ASZ1: variants seen among roughly 807,000 people sequenced by gnomAD.
ASZ1 encodes the protein ankyrin repeat, SAM and basic leucine zipper domain-containing protein 1.
In ASZ1, 67 loss-of-function variants were observed where a neutral mutation model predicts 61.8. That is an observed-to-expected ratio of 1.08 (90% CI 0.89 to 1.33). The LOEUF (loss-of-function observed/expected upper bound fraction) is 1.33. ASZ1 is among the 40% of genes most tolerant of loss of function. ASZ1 has a pLI of 0.00. For synonymous variants in ASZ1, 193 were observed against 192.7 expected (o/e 1.00, Z -0.01); for missense variants, 577 against 554.5 (o/e 1.04, Z -0.41).
intron 4 of ASZ1, among the ~76,000 whole-genome samples, chr7:117,387,393 T>G (rs1188681850): frequency 6.6e-6 from 1 of 152,040 alleles, no homozygotes; most frequent in Non-Finnish European, 1.5e-5. Flanking sequence ...AACAACAAAT[T>G]ATTTGAATTA....
At chr7:117,396,143 AT>A (rs1220486509) in intron 4 of ASZ1, among the ~76,000 whole-genome samples, 1 of 152,216 alleles carries the variant, frequency 6.6e-6, no homozygotes, top group Non-Finnish European at 1.5e-5. Context: ...TAGTTTCTAT[AT>A]TTGTGACACC....
intron 7 of ASZ1, 132 bp downstream of exon 7, chr7:117,382,854 C>G (rs1189788723): frequency 1.9e-6 from 2 of 1,041,568 alleles, no homozygotes; most frequent in Non-Finnish European, 1.2e-6. Flanking sequence ...ACACTAAAAA[C>G]CCAGACATTT....
At chr7:117,426,975 AT>A (rs1376224177) in intron 1 of ASZ1, 40 bp from the exon 2 acceptor site, 1 of 1,544,178 alleles carries the variant, frequency 6.5e-7, no homozygotes, top group East Asian at 2.3e-5. Flanking sequence ...TGTTATATAT[AT>A]TTTTGTTTCC....
intron 12 of ASZ1, among the ~76,000 whole-genome samples, chr7:117,364,429 G>T (rs1178505504): frequency 6.6e-6 from 1 of 151,764 alleles, no homozygotes; most frequent in Non-Finnish European, 1.5e-5. Flanking sequence ...CAGAGAGAGA[G>T]AGAGAGAGAG....
chr7:117,365,253 A>G (rs1192931578), intron 12 of ASZ1, among the ~76,000 whole-genome samples: 1 of 152,224 alleles, frequency 6.6e-6, no homozygotes, highest in Non-Finnish European at 1.5e-5. Context: ...TTTCAAGGGT[A>G]GTTCTTATAT....
rs1040376835 is a variant in ASZ1, at chr7:117,391,623, G to A, written c.441-5814C>T. Among the ~76,000 whole-genome samples, 5 of 151,992 alleles carry A rather than the reference G, an allele frequency of 3.3e-5. No individual in the cohort carries two copies. In the South Asian group the frequency reaches 1.0e-3, roughly 32 times the overall value. On this transcript the variant is annotated intron_variant, in intron 4 of 12. Coordinates refer to ENST00000284629, the MANE Select transcript of ASZ1 (RefSeq NM_130768.3). ...GAAGATTAGTTGGTTGTTGGTGTGG[G>A]TTCTCTATTCTGTTCCATTGGGCTA...
chr7:117,398,049 A>AT (rs757253018), intron 4 of ASZ1, among the ~76,000 whole-genome samples: 3 of 152,178 alleles, frequency 2.0e-5, no homozygotes, highest in African/African-American at 4.8e-5. Context: ...CAAATGATGT[A>AT]TTTTTGTTTC....
At chr7:117,410,290 T>G (rs1796865795) in intron 4 of ASZ1, among the ~76,000 whole-genome samples, 1 of 151,712 alleles carries the variant, frequency 6.6e-6, no homozygotes, top group South Asian at 2.1e-4. Flanking sequence ...ATACCATAAA[T>G]GAAAAATAAA....
intron 10 of ASZ1, among the ~76,000 whole-genome samples, chr7:117,369,714 T>C (rs908589687): frequency 6.6e-6 from 1 of 152,130 alleles, no homozygotes; most frequent in African/African-American, 2.4e-5. Context: ...TGATTCTCAG[T>C]TTTTTTGGTT....
At chr7:117,404,259 G>C (rs1796737281) in intron 4 of ASZ1, among the ~76,000 whole-genome samples, 1 of 151,962 alleles carries the variant, frequency 6.6e-6, no homozygotes, top group African/African-American at 2.4e-5. Flanking sequence ...CTGAACCTGA[G>C]GCTCCTTAGT....
chr7:117,417,964 C>A (rs1209037667), intron 4 of ASZ1, among the ~76,000 whole-genome samples: 5 of 152,156 alleles, frequency 3.3e-5, no homozygotes, highest in African/African-American at 1.2e-4. Context: ...AAGATGCTAA[C>A]CTTGTGTCAT....
At chr7:117,384,271 C>T (rs1379246904) in intron 6 of ASZ1, among the ~76,000 whole-genome samples, 4 of 152,000 alleles carry the variant, frequency 2.6e-5, no homozygotes, top group South Asian at 2.1e-4. Flanking sequence ...ATCACTTTAT[C>T]GTAAGCCCTG....
At chr7:117,391,444 C>T (rs969114142) in intron 4 of ASZ1, among the ~76,000 whole-genome samples, 1 of 152,124 alleles carries the variant, frequency 6.6e-6, no homozygotes, top group Admixed American at 6.5e-5. Flanking sequence ...TGAAATCTTG[C>T]ATTTAAGTCT....
At chr7:117,392,656 T>TTAA (rs1796493772) in intron 4 of ASZ1, among the ~76,000 whole-genome samples, 1 of 152,142 alleles carries the variant, frequency 6.6e-6, no homozygotes, top group Admixed American at 6.6e-5. Flanking sequence ...TTTTTAAACA[T>TTAA]TAATAATATC....
chr7:117,412,241 ATATCT>A (rs1796911021), intron 4 of ASZ1, among the ~76,000 whole-genome samples: 1 of 151,880 alleles, frequency 6.6e-6, no homozygotes, highest in Non-Finnish European at 1.5e-5. Flanking sequence ...TATTATTTTA[ATATCT>A]TATGACAAAA....
intron 2 of ASZ1, among the ~76,000 whole-genome samples, chr7:117,424,621 C>G (rs1797161462): frequency 6.6e-6 from 1 of 152,196 alleles, no homozygotes; most frequent in African/African-American, 2.4e-5. Context: ...TCAATCATAT[C>G]AAGTCTTAAT....
In ASZ1 at chr7:117,427,484, G is replaced by A. The variant is rs556936635; in HGVS notation, c.-24C>T. 1.1e-5 allele frequency: 17 copies of A among 1,611,800 alleles called. No homozygotes were observed. The highest frequency in any genetic ancestry group is 1.3e-5 in the African/African-American group (1 of 75,004). On this transcript the variant is annotated 5_prime_UTR_variant, in exon 1 of 13. Transcript: ENST00000284629. ...ATGCCAGCCAAGGAAGCTCCCTGTC[G>A]GCACCGCGCGCCCTTCAGCTCTCCG...
At chr7:117,401,270 T>C (rs1403393054) in intron 4 of ASZ1, among the ~76,000 whole-genome samples, 1 of 151,960 alleles carries the variant, frequency 6.6e-6, no homozygotes, top group Non-Finnish European at 1.5e-5. Flanking sequence ...TCTTAAGACA[T>C]ACTGCCTGAA....
intron 10 of ASZ1, among the ~76,000 whole-genome samples, chr7:117,369,131 G>A (rs999122868): frequency 2.6e-5 from 4 of 152,052 alleles, no homozygotes; most frequent in Non-Finnish European, 4.4e-5. Context: ...AAATTCAGGG[G>A]GAATGAATTT....
Sources: allele counts gnomAD v4.1 joint callset (sites outside exome capture counted in the v4.1 genomes callset), GRCh38; gene constraint gnomAD v4.1.1; transcripts MANE v1.5; gene names NCBI Gene and HGNC (gene_info 2026-07-23, HGNC 2026-07-21).